The following NECTIN4 variants were observed in gnomAD, a reference collection of about 807,000 sequenced individuals.
The protein encoded by NECTIN4 is nectin-4.
In NECTIN4, 19 loss-of-function variants were observed where a neutral mutation model predicts 51.7. The observed-to-expected ratio is 0.37, with a 90% CI of 0.26 to 0.54. NECTIN4 has a LOEUF of 0.54. NECTIN4 is among the 20% of genes least tolerant of loss of function. The pLI, the probability that NECTIN4 is intolerant of heterozygous loss-of-function variation, is 0.86. For missense variants in NECTIN4, 619 were observed against 662.4 expected (o/e 0.93, Z 0.72); for synonymous variants, 283 against 286.9 (o/e 0.99, Z 0.14).
At chr1:161,073,840 C>T (rs762416622) in intron 6 of NECTIN4, 45 bp from the exon 7 acceptor site, 2 of 1,563,664 alleles carry the variant, frequency 1.3e-6, no homozygotes, top group South Asian at 2.2e-5. Context: ...TAGTGGCAGC[C>T]TCCCAAGGTG....
intron 4 of NECTIN4, among the ~76,000 whole-genome samples, 155 bp from the exon 5 acceptor site, chr1:161,074,914 G>A (rs1265230016): frequency 1.3e-5 from 2 of 152,188 alleles, no homozygotes; most frequent in Non-Finnish European, 2.9e-5. Flanking sequence ...GGCAGGTCTA[G>A]GCAGAGGTCC....
At position 161,084,326 on chromosome 1, in the gene NECTIN4, T is replaced by G. The variant is rs534194840; in HGVS notation, c.80-4377A>C. The G allele has an allele frequency of 1.9e-4, 29 of 152,402 alleles. 1 individual carries two copies. Among genetic ancestry groups the G allele is most frequent in the African/African-American group, 7.0e-4 (29 of 41,556 alleles). 9.4% of individuals were successfully genotyped at this position (152,402 alleles called of 1,614,324 possible). On this transcript the variant is annotated intron_variant, in intron 1 of 8. Transcript: ENST00000368012. Reference sequence around the variant, plus strand: ...CCGTGTGCATGTCACACCCTCTGTATGCATGGAGTGCATTCTTGTCTCGCG... The same window carrying G: ...CCGTGTGCATGTCACACCCTCTGTAGGCATGGAGTGCATTCTTGTCTCGCG...
Position 161,074,612 on chromosome 1 carries a change from A to G in NECTIN4, c.999T>C (p.Leu333=), listed in dbSNP as rs377393811. Residue 333 remains leucine, a splice_region_variant and synonymous_variant, in exon 5 of 9, where the codon CTT becomes CTC. Coordinates refer to ENST00000368012, the MANE Select transcript of NECTIN4 (RefSeq NM_030916.3). ...AAGGACTTCTGCTCCAGTGCTTACC[A>G]AGAACATCCACAGTGACCTGAGAAT... is the stretch of plus-strand genomic sequence containing the variant. ...SRDSQVTVDV[L]DPQEDSGKQV... The G allele has an allele frequency of 8.7e-5, 141 of 1,614,106 alleles. No individual in the cohort carries two copies. The highest frequency in any genetic ancestry group is 1.1e-4 in the Non-Finnish European group (131 of 1,180,042).
At chr1:161,082,523 C>T (rs1653732751) in intron 1 of NECTIN4, among the ~76,000 whole-genome samples, 1 of 152,062 alleles carries the variant, frequency 6.6e-6, no homozygotes, top group Non-Finnish European at 1.5e-5. Context: ...AATGAAGCCC[C>T]ACCAGAATGG....
intron 1 of NECTIN4, among the ~76,000 whole-genome samples, chr1:161,081,953 T>C (rs1347919148): frequency 6.6e-6 from 1 of 152,126 alleles, no homozygotes; most frequent in African/African-American, 2.4e-5. Flanking sequence ...CAGTGGTATG[T>C]GGGTTCCGTC....
chr1:161,074,442 C>T, intron 5 of NECTIN4, 69 bp from the exon 6 acceptor site: 1 of 1,607,832 alleles, frequency 6.2e-7, no homozygotes, highest in Non-Finnish European at 8.5e-7. Flanking sequence ...CTCACAGCTC[C>T]CCCGCAAAAC....
At position 161,073,714 on chromosome 1, in the gene NECTIN4, A is replaced by G; in HGVS notation, c.1233+6T>C. On this transcript the variant is annotated splice_donor_region_variant and intron_variant, in intron 7 of 8. Coordinates refer to ENST00000368012, the MANE Select transcript of NECTIN4 (RefSeq NM_030916.3). ...CTGCATGCATACACCCAACCTTGGC[A>G]CACACCTGGCTCCTGGGGTCCGTGT... The G allele has an allele frequency of 2.5e-6, 4 of 1,613,652 alleles. No individual in the cohort carries two copies. Among genetic ancestry groups the G allele is most frequent in the Non-Finnish European group, 3.4e-6 (4 of 1,179,580 alleles).
chr1:161,079,637 G>T lies in NECTIN4; in HGVS notation c.392C>A (p.Thr131Asn). Residue 131 changes from threonine (T) to asparagine (N), a missense_variant, in exon 2 of 9, where the codon ACC becomes AAC. Transcript: ENST00000368012. The stretch of plus-strand genomic sequence containing the variant: ...CGCCTGGAAGCTGCCGGCGGGGAAG[G>T]TGCTGACCCGGCACTCGTACTCGCC... ...DEGEYECRVSTFPAGSFQARL... is the reference protein window; with the variant it reads ...DEGEYECRVSNFPAGSFQARL... 6.2e-7 allele frequency: 1 copy of T among 1,605,340 alleles called. No individual in the cohort carries two copies.
At chr1:161,073,071 A>G (rs1009304177) in intron 8 of NECTIN4, among the ~76,000 whole-genome samples, 154 bp downstream of exon 8, 6 of 152,202 alleles carry the variant, frequency 3.9e-5, no homozygotes, top group African/African-American at 1.4e-4. Context: ...GGGAGACGGG[A>G]GAACAAAGAC....
intron 4 of NECTIN4, among the ~76,000 whole-genome samples, 162 bp from the exon 5 acceptor site, chr1:161,074,921 G>C (rs1653346907): frequency 6.6e-6 from 1 of 152,200 alleles, no homozygotes; most frequent in African/African-American, 2.4e-5. Flanking sequence ...CTAGGCAGAG[G>C]TCCTTTCTCC....
chr1:161,072,685 G>T lies in NECTIN4; in HGVS notation c.1509C>A (p.Ile503=). ...GTCAGACCAGGTGTCCCCGCCCATT[G>T]ATGTAGATGCCATTGCCCGTGGGCT... The part of the protein sequence containing the change: ...RAKPTGNGIY[I]NGRGHLV The change falls in exon 9 of 9, where the codon ATC becomes ATA. Residue 503 remains isoleucine (I), a synonymous_variant. Transcript: ENST00000368012. The T allele has an allele frequency of 6.2e-7, 1 of 1,614,226 alleles. No homozygotes were observed. The highest frequency in any genetic ancestry group is 8.5e-7 in the Non-Finnish European group (1 of 1,180,028).
intron 1 of NECTIN4, among the ~76,000 whole-genome samples, chr1:161,086,058 C>A (rs1259075896): frequency 6.6e-6 from 1 of 152,142 alleles, no homozygotes; most frequent in East Asian, 1.9e-4. Flanking sequence ...GACTTCGTTC[C>A]CCACATCACC....
At position 161,072,575 on chromosome 1, in the gene NECTIN4, G is replaced by T. The variant is rs1653219745; in HGVS notation, c.*86C>A. 8 of 1,084,058 alleles carry T rather than the reference G, an allele frequency of 7.4e-6. No individual in the cohort carries two copies. The highest frequency in any genetic ancestry group is 1.1e-5 in the Non-Finnish European group (8 of 698,552). 67.2% of individuals were successfully genotyped at this position (1,084,058 alleles called of 1,614,324 possible). On this transcript the variant is annotated 3_prime_UTR_variant, in exon 9 of 9. Coordinates refer to ENST00000368012, the MANE Select transcript of NECTIN4 (RefSeq NM_030916.3). ...GGGGAGCATCTTCCGCAAGAAATGGGGGTGTTTAAGGAGGCCCCCAAGATG... is the reference window on the plus strand; with the variant it reads ...GGGGAGCATCTTCCGCAAGAAATGGTGGTGTTTAAGGAGGCCCCCAAGATG...
intron 2 of NECTIN4, among the ~76,000 whole-genome samples, chr1:161,079,144 T>TA (rs1653552977): frequency 6.6e-6 from 1 of 152,152 alleles, no homozygotes; most frequent in South Asian, 2.1e-4. Flanking sequence ...ACCCACATTG[T>TA]AAAAAATACC....
chr1:161,081,710 G>A (rs143794825), intron 1 of NECTIN4, among the ~76,000 whole-genome samples: 3 of 151,962 alleles, frequency 2.0e-5, no homozygotes, highest in Non-Finnish European at 4.4e-5. Flanking sequence ...CACCGTACCC[G>A]CTGCCTGGAA....
chr1:161,072,402 C>T lies in NECTIN4; in HGVS notation c.*259G>A. 1.8e-6 allele frequency: 1 copy of T among 571,194 alleles called. No individual in the cohort carries two copies. Among genetic ancestry groups the T allele is most frequent in the Admixed American group, 2.9e-5 (1 of 34,328 alleles). 35.4% of individuals were successfully genotyped at this position (571,194 alleles called of 1,614,324 possible). ...CAGTCACCCCTCCACGGACAGTCACCCCTCCACACACACACAGTCAGTCAA... is the reference window on the plus strand; with the variant it reads ...CAGTCACCCCTCCACGGACAGTCACTCCTCCACACACACACAGTCAGTCAA... On this transcript the variant is annotated 3_prime_UTR_variant, in exon 9 of 9. Transcript: ENST00000368012.
chr1:161,072,268 A>G lies in NECTIN4; in HGVS notation c.*393T>C, dbSNP rs993242854. On this transcript the variant is annotated 3_prime_UTR_variant, in exon 9 of 9. Coordinates refer to ENST00000368012, the MANE Select transcript of NECTIN4 (RefSeq NM_030916.3). ...CAGAGGTCACACACAGCCACATGAC[A>G]CACACGCCAAACCCTGACAGTGTTG... 5.5e-6 allele frequency: 2 copies of G among 360,512 alleles called. No homozygotes were observed. The highest frequency in any genetic ancestry group is 7.7e-5 in the Admixed American group (2 of 25,840). The allele number at this position is 360,512 out of a possible 1,614,324, so 22.3% of individuals were successfully genotyped here.
At chr1:161,084,852 A>G (rs1160588428) in intron 1 of NECTIN4, 1 of 151,326 alleles carries the variant, frequency 6.6e-6, no homozygotes, top group African/African-American at 2.4e-5. Context: ...GGTGAGGGGA[A>G]TCCTGCCTGG....
chr1:161,082,832 A>C (rs1455567498), intron 1 of NECTIN4, among the ~76,000 whole-genome samples: 1 of 152,102 alleles, frequency 6.6e-6, no homozygotes, highest in African/African-American at 2.4e-5. Context: ...CCAGCACAAC[A>C]TATCCTCTGC....
Sources: allele counts gnomAD v4.1 joint callset (sites outside exome capture counted in the v4.1 genomes callset), GRCh38; gene constraint gnomAD v4.1.1; transcripts MANE v1.5; gene names NCBI Gene and HGNC (gene_info 2026-07-23, HGNC 2026-07-21).